DAB2IP: variants seen among roughly 807,000 people sequenced by gnomAD.
The protein encoded by DAB2IP is disabled homolog 2-interacting protein.
DAB2IP carries 28 observed loss-of-function variants against 107.2 expected under a neutral mutation model. That is an observed-to-expected ratio of 0.26 (90% CI 0.19 to 0.36). The LOEUF is 0.36. DAB2IP is among the 10% of genes least tolerant of loss of function. The pLI, the probability that DAB2IP is intolerant of heterozygous loss-of-function variation, is 1.00. For missense variants in DAB2IP, 1,400 were observed against 1,644.7 expected (o/e 0.85, Z 2.57); for synonymous variants, 755 against 706.4 (o/e 1.07, Z -1.09).
chr9:121,775,678 C>G (rs1835151066), intron 13 of DAB2IP, among the ~76,000 whole-genome samples: 1 of 152,194 alleles, frequency 6.6e-6, no homozygotes, highest in South Asian at 2.1e-4. Context: ...TCAGTTCTCT[C>G]TCTCTCCATT....
At position 121,635,206 on chromosome 9, in the gene DAB2IP, A is replaced by T. The variant is rs577250121; in HGVS notation, c.41-43472A>T. On this transcript the variant is annotated intron_variant, in intron 1 of 16. Transcript: ENST00000259371. This position sits in a 1 kb window ranked among gnomAD's most constrained non-coding sequence, Gnocchi z 4.3. ...GAGAGCCGTGTGTGGGGTCAAGGAG[A>T]CCCTGGGGCTGTTCATTGGACAGCA... Among the ~76,000 whole-genome samples, 2 of 151,858 alleles carry T rather than the reference A, an allele frequency of 1.3e-5. No individual in the cohort carries two copies. Among genetic ancestry groups the T allele is most frequent in the Admixed American group, 6.6e-5 (1 of 15,244 alleles).
At chr9:121,569,178 G>A (rs768575071) in intron 1 of DAB2IP, among the ~76,000 whole-genome samples, 7 of 152,222 alleles carry the variant, frequency 4.6e-5, no homozygotes, top group Non-Finnish European at 7.3e-5. Context: ...CTGGGTCAGG[G>A]CAGCACAGGA....
chr9:121,740,873 GA>G (rs1437810486), intron 3 of DAB2IP, among the ~76,000 whole-genome samples: 1 of 152,178 alleles, frequency 6.6e-6, no homozygotes, highest in African/African-American at 2.4e-5. Context: ...TGAGGAAACT[GA>G]GACTCAGGAA....
In DAB2IP at chr9:121,776,007, A is replaced by C. The variant is rs956835605; in HGVS notation, c.3121-191A>C. Among the ~76,000 whole-genome samples the C allele has an allele frequency of 1.3e-5, 2 of 152,188 alleles. No individual in the cohort carries two copies. The highest frequency in any genetic ancestry group is 2.9e-5 in the Non-Finnish European group (2 of 68,024). On this transcript the variant is annotated intron_variant, in intron 13 of 15. Transcript: ENST00000408936. The surrounding 1 kb of genome is among the most constrained non-coding windows in gnomAD (Gnocchi z 5.4). ...GAGTGGAGGCCCCACGGTGGGGCAC[A>C]GGCACGCGTCTGGCTGCAGCCCCCA...
chr9:121,583,600 G>A (rs1008761855), intron 1 of DAB2IP, among the ~76,000 whole-genome samples: 3 of 151,560 alleles, frequency 2.0e-5, no homozygotes, highest in African/African-American at 7.3e-5. Context: ...GGCTGGCTTT[G>A]CTGGCAGGCC....
intron 1 of DAB2IP, among the ~76,000 whole-genome samples, chr9:121,625,973 C>G (rs1831631031): frequency 6.6e-6 from 1 of 152,148 alleles, no homozygotes; most frequent in Non-Finnish European, 1.5e-5. Context: ...TCCTTTCCCT[C>G]CTGGCTCACA....
At chr9:121,595,252 G>T (rs533408175) in intron 1 of DAB2IP, among the ~76,000 whole-genome samples, 1 of 151,558 alleles carries the variant, frequency 6.6e-6, no homozygotes, top group Non-Finnish European at 1.5e-5. Flanking sequence ...AAAAAAAAAA[G>T]TGATGAAGAA....
At chr9:121,705,171 T>C (rs754437789) in intron 3 of DAB2IP, among the ~76,000 whole-genome samples, 69 of 152,334 alleles carry the variant, frequency 4.5e-4, no homozygotes, top group Non-Finnish European at 7.2e-4. Context: ...GGAAATTAGC[T>C]AGTGAGAATG....
At chr9:121,769,853 G>A (rs752190081) in intron 10 of DAB2IP, among the ~76,000 whole-genome samples, 1 of 152,234 alleles carries the variant, frequency 6.6e-6, no homozygotes, top group Non-Finnish European at 1.5e-5. Flanking sequence ...ATCGGTGATA[G>A]GGTGCAACAG....
chr9:121,773,496 G>C lies in DAB2IP; in HGVS notation c.2967+1G>C, dbSNP rs1160679202. The C allele has an allele frequency of 2.0e-6, 3 of 1,500,164 alleles. No individual in the cohort carries two copies. In the African/African-American group the frequency reaches 4.2e-5, roughly 21 times the overall value. 92.9% of individuals were successfully genotyped at this position (1,500,164 alleles called of 1,614,324 possible). A position where few individuals can be genotyped will look rare whatever the true frequency, so the allele number is the denominator to read the frequency against. ...GAAGCCACGGGCAGTGCACAAGCAG[G>C]TCAGTGCTGCTAGTCAGAGGGCAGG... is the stretch of plus-strand genomic sequence containing the variant. On this transcript the variant is annotated splice_donor_variant, in intron 12 of 15. Transcript: ENST00000408936. LOFTEE classifies it high-confidence loss of function.
chr9:121,628,950 C>T (rs1300867374), intron 1 of DAB2IP, among the ~76,000 whole-genome samples: 2 of 152,194 alleles, frequency 1.3e-5, no homozygotes, highest in African/African-American at 2.4e-5. Context: ...GTGGCTTGAG[C>T]TCCTGTTTGG....
intron 6 of DAB2IP, 125 bp from the exon 7 acceptor site, chr9:121,763,380 A>ACC (rs1453340148): frequency 1.5e-6 from 2 of 1,345,564 alleles, no homozygotes; most frequent in African/African-American, 1.5e-5. Flanking sequence ...CCTCTCCGGG[A>ACC]CCCCCGCAGC....
intron 1 of DAB2IP, among the ~76,000 whole-genome samples, chr9:121,625,476 G>T (rs1831611744): frequency 6.6e-6 from 1 of 151,986 alleles, no homozygotes; most frequent in Admixed American, 6.6e-5. Flanking sequence ...TAGCCAGGCT[G>T]GTCTCAAACT....
intron 3 of DAB2IP, among the ~76,000 whole-genome samples, chr9:121,755,178 G>A (rs750290668): frequency 1.3e-5 from 2 of 152,242 alleles, no homozygotes; most frequent in Non-Finnish European, 2.9e-5. Context: ...CTCGAGCAAG[G>A]CCTTGAGGGA....
chr9:121,604,959 A>G (rs775172606), intron 1 of DAB2IP, among the ~76,000 whole-genome samples: 2 of 152,260 alleles, frequency 1.3e-5, no homozygotes, highest in Non-Finnish European at 2.9e-5. Flanking sequence ...AGCAAGGGAC[A>G]GAAGAGAGAT....
Position 121,758,131 on chromosome 9 carries a change from G to A in DAB2IP, c.517-767G>A, listed in dbSNP as rs528977421. Among the ~76,000 whole-genome samples, 3 of 152,326 alleles carry A rather than the reference G, an allele frequency of 2.0e-5. No homozygotes were observed. The South Asian group carries it at 6.2e-4, about 32-fold the overall frequency. On this transcript the variant is annotated intron_variant, in intron 4 of 15. Coordinates refer to ENST00000408936, the Ensembl canonical transcript of DAB2IP. ...AGCAGGGGGTTCTGTGGAGGGTGCAGGCCCTCGAATGCCGTGTGAGGAGTG... is the reference window on the plus strand; with the variant it reads ...AGCAGGGGGTTCTGTGGAGGGTGCAAGCCCTCGAATGCCGTGTGAGGAGTG...
chr9:121,721,935 G>A lies in DAB2IP; in HGVS notation c.362+22477G>A, dbSNP rs149996419. 6.5e-3 allele frequency among the ~76,000 whole-genome samples: 988 copies of A among 152,302 alleles called. 15 individuals carry two copies. Among genetic ancestry groups the A allele is most frequent in the African/African-American group, 0.023 (947 of 41,570 alleles). ...ACTGATGGGGCCCCGCCCAGTCATG[G>A]AATCCTTGCATGCCCTGGACGTGCA... On this transcript the variant is annotated intron_variant, in intron 3 of 15. Transcript: ENST00000408936.
chr9:121,630,915 T>A (rs1157033110), intron 1 of DAB2IP, among the ~76,000 whole-genome samples: 1 of 152,224 alleles, frequency 6.6e-6, no homozygotes, highest in African/African-American at 2.4e-5. Context: ...GCCTGTTTTA[T>A]GTATTTAAAA....
At chr9:121,726,356 C>T (rs1459548106) in intron 3 of DAB2IP, among the ~76,000 whole-genome samples, 2 of 152,230 alleles carry the variant, frequency 1.3e-5, no homozygotes, top group African/African-American at 4.8e-5. Context: ...CATACCTCTC[C>T]CTATGCATCT....
Sources: gnomAD v4.1 joint callset for allele counts (sites outside exome capture counted in the v4.1 genomes callset) on GRCh38, gnomAD v4.1.1 for gene constraint, Gnocchi (gnomAD v3.1) non-coding constraint, MANE v1.5 for transcripts, NCBI Gene and HGNC (gene_info 2026-07-23, HGNC 2026-07-21) for gene names.